Variants in HIPK2 observed in about 807,000 individuals in gnomAD.
HIPK2 encodes homeodomain interacting protein kinase 2, also known as homeodomain-interacting protein kinase 2.
Under a neutral mutation model 113.7 loss-of-function variants are expected in HIPK2, and 27 were observed. The ratio of observed to expected loss-of-function variants is 0.24; its 90% CI spans 0.17 to 0.33. The LOEUF is 0.33. Among genes scored for constraint, HIPK2 ranks in the 10% least tolerant of loss-of-function variants. The pLI, the probability that HIPK2 is intolerant of heterozygous loss-of-function variation, is 1.00. For synonymous variants in HIPK2, 631 were observed against 642.2 expected, an observed-to-expected ratio of 0.98 and a Z score of 0.26; for missense variants, 1,257 against 1,588.0, an observed-to-expected ratio of 0.79 and a Z score of 3.54.
intron 2 of HIPK2, among the ~76,000 whole-genome samples, chr7:139,671,257 A>G (rs915265412): frequency 2.6e-5 from 4 of 152,248 alleles, no homozygotes; most frequent in African/African-American, 7.2e-5. Context: ...TTGGCATGTC[A>G]AACAATAATA....
intron 6 of HIPK2, 119 bp from the exon 7 acceptor site, chr7:139,620,682 G>A (rs1800204459): frequency 7.6e-7 from 1 of 1,308,642 alleles, no homozygotes; most frequent in Non-Finnish European, 1.1e-6. Context: ...AACAGGACAA[G>A]CAGGGAAACT....
At position 139,571,330 on chromosome 7, in the gene HIPK2, G is replaced by A. The variant is rs1051638091; in HGVS notation, c.*1597C>T. On this transcript the variant is annotated 3_prime_UTR_variant, in exon 15 of 15. Transcript: ENST00000406875. ...CTCTCGTGGAGGCGGGAGGGACTGG[G>A]GGATGCCGCCTGGGGCGGGAGACGG... The A allele has an allele frequency of 2.6e-5, 4 of 152,366 alleles. No homozygotes were observed. The highest frequency in any genetic ancestry group is 9.6e-5 in the African/African-American group (4 of 41,464). The allele number at this position is 152,366 out of a possible 1,614,324, so 9.4% of individuals were successfully genotyped here.
intron 2 of HIPK2, among the ~76,000 whole-genome samples, chr7:139,643,381 T>TACAC (rs61058916): frequency 0.015 from 2,170 of 148,316 alleles, 29 homozygotes; most frequent in African/African-American, 0.038. Flanking sequence ...ATGTACTAAA[T>TACAC]ACACACACAC....
At chr7:139,729,324 TGAGAGAGAGA>T (rs71170912) in intron 1 of HIPK2, among the ~76,000 whole-genome samples, 5,725 of 69,042 alleles carry the variant, frequency 0.083, 279 homozygotes, top group Admixed American at 0.12. Flanking sequence ...ACCCTGTCTC[TGAGAGAGAGA>T]GAGAGAGAGA....
At chr7:139,763,947 G>A (rs1796512685) in intron 1 of HIPK2, among the ~76,000 whole-genome samples, 1 of 152,114 alleles carries the variant, frequency 6.6e-6, no homozygotes, top group South Asian at 2.1e-4. Context: ...ATTTTGGTGT[G>A]TTTTGTTGGT....
At chr7:139,738,092 T>C (rs773497102) in intron 1 of HIPK2, among the ~76,000 whole-genome samples, 12 of 152,222 alleles carry the variant, frequency 7.9e-5, no homozygotes, top group Admixed American at 2.0e-4. Flanking sequence ...CAGTCCTGTT[T>C]TATACATGTT....
At chr7:139,611,608 C>G (rs1799827147) in intron 9 of HIPK2, among the ~76,000 whole-genome samples, 1 of 152,034 alleles carries the variant, frequency 6.6e-6, no homozygotes, top group Non-Finnish European at 1.5e-5. Flanking sequence ...ATGATGTGAT[C>G]ATAGCTCACT....
rs186748218 is a variant in HIPK2, at chr7:139,705,545, T to G, written c.1103+10387A>C. ...GCACCCACCAACACGCCCAGCTGAT[T>G]TTTTGGTATTTTTAGTAGAGACGGT... On this transcript the variant is annotated intron_variant, in intron 2 of 14. Coordinates refer to ENST00000406875, the MANE Select transcript of HIPK2 (RefSeq NM_022740.5). 1.2e-3 allele frequency among the ~76,000 whole-genome samples: 176 copies of G among 152,202 alleles called. No individual in the cohort carries two copies. The East Asian group carries it at 0.018, about 16-fold the overall frequency.
At chr7:139,702,775 T>A (rs1794749738) in intron 2 of HIPK2, among the ~76,000 whole-genome samples, 2 of 152,300 alleles carry the variant, frequency 1.3e-5, no homozygotes, top group South Asian at 4.1e-4. Context: ...ACAACCCCAC[T>A]CAGCCTTCAT....
Position 139,596,825 on chromosome 7 carries a change from C to A in HIPK2, c.2609G>T (p.Arg870Leu). 1 of 1,613,982 alleles carries A rather than the reference C, an allele frequency of 6.2e-7. No homozygotes were observed. The highest frequency in any genetic ancestry group is 8.5e-7 in the Non-Finnish European group (1 of 1,179,896). ...GDVASSTTRE[R>L]QRQTIVIPDT... ...GGGAATGACAATTGTCTGCCGCTGCCGTTCCCGGGTGGTGCTGGAGGCCAC... is the reference window on the plus strand; with the variant it reads ...GGGAATGACAATTGTCTGCCGCTGCAGTTCCCGGGTGGTGCTGGAGGCCAC... The change falls in exon 12 of 15, where the codon CGG (arginine) becomes CTG (leucine). Residue 870 changes from arginine to leucine, a missense_variant. Around this residue, in one of 5 missense-constraint regions of HIPK2, gnomAD observed 862 missense variants for 1,004.3 expected, o/e 0.86. Transcript: ENST00000406875.
Position 139,565,687 on chromosome 7 carries a change from T to G in HIPK2, c.*7240A>C, listed in dbSNP as rs535999994. On this transcript the variant is annotated 3_prime_UTR_variant, in exon 15 of 15. Coordinates refer to ENST00000406875, the MANE Select transcript of HIPK2 (RefSeq NM_022740.5). ...TCTTTTGTTCCTCTAAGTCTTGTCT[T>G]TCTTCCACCTCTACTTCTTTTTTTT... The G allele has an allele frequency of 2.3e-4, 35 of 152,172 alleles. No homozygotes were observed. The highest frequency in any genetic ancestry group is 6.5e-4 in the African/African-American group (27 of 41,558). 9.4% of individuals were successfully genotyped at this position (152,172 alleles called of 1,614,324 possible).
At chr7:139,622,697 T>C (rs1021877635) in intron 6 of HIPK2, among the ~76,000 whole-genome samples, 6 of 152,176 alleles carry the variant, frequency 3.9e-5, no homozygotes, top group African/African-American at 1.4e-4. Context: ...CCTGGAGATT[T>C]ATCCTTGCCC....
intron 1 of HIPK2, among the ~76,000 whole-genome samples, chr7:139,727,697 G>A (rs994044634): frequency 6.6e-6 from 1 of 152,170 alleles, no homozygotes; most frequent in African/African-American, 2.4e-5. Flanking sequence ...CACTGTGGGT[G>A]AGCCAGCCTT....
intron 1 of HIPK2, among the ~76,000 whole-genome samples, chr7:139,756,036 C>G (rs1199278513): frequency 6.6e-6 from 1 of 152,196 alleles, no homozygotes; most frequent in Non-Finnish European, 1.5e-5. Flanking sequence ...TCAGTCTGTC[C>G]CATTTAACCA....
At chr7:139,752,747 GAGAA>G (rs1796299310) in intron 1 of HIPK2, among the ~76,000 whole-genome samples, 1 of 147,908 alleles carries the variant, frequency 6.8e-6, no homozygotes, top group South Asian at 2.1e-4. Context: ...AAAAGAAAAA[GAGAA>G]AGAAAACTCT....
intron 7 of HIPK2, among the ~76,000 whole-genome samples, chr7:139,617,422 G>C (rs1800096218): frequency 6.6e-6 from 1 of 152,208 alleles, no homozygotes; most frequent in Non-Finnish European, 1.5e-5. Flanking sequence ...GTGATTCCTG[G>C]AAGCAGTTGT....
chr7:139,656,498 C>T (rs1003662892), intron 2 of HIPK2, among the ~76,000 whole-genome samples: 1 of 152,196 alleles, frequency 6.6e-6, no homozygotes, highest in African/African-American at 2.4e-5. Context: ...TTGGCCTGGG[C>T]CCGATAACTG....
At chr7:139,705,148 C>A (rs1215763181) in intron 2 of HIPK2, among the ~76,000 whole-genome samples, 3 of 152,172 alleles carry the variant, frequency 2.0e-5, no homozygotes, top group Non-Finnish European at 2.9e-5. Flanking sequence ...ACTGGGGATG[C>A]CCAGCTTACA....
chr7:139,687,703 G>A (rs1794268004), intron 2 of HIPK2, among the ~76,000 whole-genome samples: 1 of 152,198 alleles, frequency 6.6e-6, no homozygotes, highest in African/African-American at 2.4e-5. Context: ...AAGAACCTGG[G>A]AGAAAATACT....
Sources: allele counts gnomAD v4.1 joint callset (sites outside exome capture counted in the v4.1 genomes callset), GRCh38; gene constraint gnomAD v4.1.1; regional missense constraint gnomAD v4.1.1; transcripts MANE v1.5; gene names NCBI Gene and HGNC (gene_info 2026-07-23, HGNC 2026-07-21).